CDH4: variants seen among roughly 807,000 people sequenced by gnomAD.
CDH4 encodes the protein cadherin-4.
CDH4 carries 33 observed loss-of-function variants against 86.0 expected under a neutral mutation model. That is an observed-to-expected ratio of 0.38 (90% CI 0.29 to 0.51). The LOEUF is 0.51. Among genes scored for constraint, CDH4 ranks in the 20% least tolerant of loss-of-function variants. The pLI, the probability that CDH4 is intolerant of heterozygous loss-of-function variation, is 0.86. For synonymous variants in CDH4, 555 were observed against 549.4 expected (o/e 1.01, Z -0.14); for missense variants, 1,114 against 1,307.4 (o/e 0.85, Z 2.28).
At chr20:61,593,012 G>A (rs923102951) in intron 2 of CDH4, among the ~76,000 whole-genome samples, 1 of 152,182 alleles carries the variant, frequency 6.6e-6, no homozygotes, top group African/African-American at 2.4e-5. Context: ...AGGGGGGCAG[G>A]AGGGTCAGGT....
Position 61,447,470 on chromosome 20 carries a change from G to A in CDH4, c.169+192533G>A, listed in dbSNP as rs76089535. On this transcript the variant is annotated intron_variant, in intron 2 of 15. Coordinates refer to ENST00000614565, the MANE Select transcript of CDH4 (RefSeq NM_001794.5). ...ATTACAGGCATGAGCCAGTGTGCCC[G>A]ACCTATTCATGGTGTTTTCGATATA... Among the ~76,000 whole-genome samples, 1,305 of 151,882 alleles carry A rather than the reference G, an allele frequency of 8.6e-3. 20 individuals are homozygous for A. Among genetic ancestry groups the A allele is most frequent in the African/African-American group, 0.031 (1,265 of 41,448 alleles).
chr20:61,924,286 C>T (rs749555606), intron 10 of CDH4, 48 bp from the exon 11 acceptor site: 5 of 1,562,170 alleles, frequency 3.2e-6, no homozygotes, highest in Non-Finnish European at 4.3e-6. Flanking sequence ...CCAGGGCAGC[C>T]CCGCCCACCC....
At position 61,590,879 on chromosome 20, in the gene CDH4, G is replaced by C. The variant is rs990948902; in HGVS notation, c.170-152684G>C. ...AGCCTTGTCTTCCCTAAATCTATGGGGGGGGGGGTCCCCGGGTCTCCAGGC... is the reference window on the plus strand; with the variant it reads ...AGCCTTGTCTTCCCTAAATCTATGGCGGGGGGGGTCCCCGGGTCTCCAGGC... On this transcript the variant is annotated intron_variant, in intron 2 of 15. Coordinates refer to ENST00000614565, the MANE Select transcript of CDH4 (RefSeq NM_001794.5). Among the ~76,000 whole-genome samples, 13 of 135,970 alleles carry C rather than the reference G, an allele frequency of 9.6e-5. No homozygotes were observed. In the East Asian group the frequency reaches 1.5e-3, roughly 16 times the overall value. 89.2% of individuals were successfully genotyped at this position (135,970 alleles called of 152,430 possible). A position where few individuals can be genotyped will look rare whatever the true frequency, so the allele number is the denominator to read the frequency against.
chr20:61,458,676 G>GTGA (rs1277319124), intron 2 of CDH4, among the ~76,000 whole-genome samples: 1 of 152,092 alleles, frequency 6.6e-6, no homozygotes. Flanking sequence ...GATAGTGATG[G>GTGA]TGATAGTCAT....
intron 2 of CDH4, among the ~76,000 whole-genome samples, chr20:61,542,254 T>G (rs1473555826): frequency 6.6e-6 from 1 of 152,220 alleles, no homozygotes; most frequent in Non-Finnish European, 1.5e-5. Flanking sequence ...TTATAAACAG[T>G]GTGCAGTGCT....
intron 5 of CDH4, among the ~76,000 whole-genome samples, chr20:61,850,675 C>T (rs112960515): frequency 0.022 from 3,426 of 152,376 alleles, 98 homozygotes; most frequent in South Asian, 0.064. Flanking sequence ...ATGCACTCTG[C>T]GCCTGACGCT....
chr20:61,929,281 G>A (rs948132649), intron 12 of CDH4, among the ~76,000 whole-genome samples: 2 of 152,056 alleles, frequency 1.3e-5, no homozygotes, highest in Admixed American at 6.5e-5. Context: ...GAGATCACAG[G>A]CTTGCACCAC....
intron 5 of CDH4, among the ~76,000 whole-genome samples, chr20:61,851,135 C>T (rs1447944184): frequency 6.6e-6 from 1 of 152,196 alleles, no homozygotes; most frequent in Non-Finnish European, 1.5e-5. Context: ...TTCCAGCAAC[C>T]CCACAGCACT....
At chr20:61,800,281 G>T (rs571682328) in intron 4 of CDH4, among the ~76,000 whole-genome samples, 1 of 151,270 alleles carries the variant, frequency 6.6e-6, no homozygotes, top group Non-Finnish European at 1.5e-5. Context: ...CGGCCGCCAG[G>T]GGGGCAGAGC....
chr20:61,913,448 G>A (rs2054872430), intron 9 of CDH4, among the ~76,000 whole-genome samples: 2 of 152,246 alleles, frequency 1.3e-5, no homozygotes, highest in South Asian at 4.1e-4. Flanking sequence ...CCAGTGTCTT[G>A]GGACTGCATG....
At chr20:61,905,044 A>G (rs886853792) in intron 8 of CDH4, among the ~76,000 whole-genome samples, 1 of 151,980 alleles carries the variant, frequency 6.6e-6, no homozygotes, top group Non-Finnish European at 1.5e-5. Context: ...GGAAGACAAA[A>G]TCCTCCTACC....
In CDH4 at chr20:61,796,349, C is replaced by G. The variant is rs373294066; in HGVS notation, c.576+23167C>G. Among the ~76,000 whole-genome samples the G allele has an allele frequency of 2.6e-3, 389 of 152,302 alleles. 1 individual carries two copies. The highest frequency in any genetic ancestry group is 5.0e-3 in the Admixed American group (77 of 15,312). On this transcript the variant is annotated intron_variant, in intron 4 of 15. Coordinates refer to ENST00000614565, the MANE Select transcript of CDH4 (RefSeq NM_001794.5). ...CGCTCTCTGGCCCCTCCACCCCACA[C>G]TCTATTTACAGCCCAGCACGGGCCA... is the stretch of plus-strand genomic sequence containing the variant.
chr20:61,352,787 C>T (rs976350673), intron 2 of CDH4, among the ~76,000 whole-genome samples: 2 of 152,210 alleles, frequency 1.3e-5, no homozygotes, highest in South Asian at 4.2e-4. Flanking sequence ...TTCTTCCTGG[C>T]CGTCTGCCGC....
intron 6 of CDH4, among the ~76,000 whole-genome samples, chr20:61,863,278 C>T (rs1983407867): frequency 6.6e-6 from 1 of 152,220 alleles, no homozygotes; most frequent in Non-Finnish European, 1.5e-5. Flanking sequence ...CTGTTCCTCA[C>T]CTGCAGCCGG....
rs549972307 is a variant in CDH4, at chr20:61,848,892, G to A, written c.733-3862G>A. ...ATGGTTTTCTCCCTGCTTTGAAGAT[G>A]AGAAATGCAGTCATCCCACATCGCC... On this transcript the variant is annotated intron_variant, in intron 5 of 15. Transcript: ENST00000614565. Among the ~76,000 whole-genome samples the A allele has an allele frequency of 2.0e-5, 3 of 152,272 alleles. No individual in the cohort carries two copies. The East Asian group carries it at 5.8e-4, about 29-fold the overall frequency.
chr20:61,686,729 TCGTG>T (rs2087583016), intron 2 of CDH4, among the ~76,000 whole-genome samples: 1 of 146,584 alleles, frequency 6.8e-6, no homozygotes, highest in Admixed American at 6.8e-5. Flanking sequence ...GTGTGTGCCT[TCGTG>T]CGTGTGTGTG....
rs76242331 is a variant in CDH4, at chr20:61,605,977, G to A, written c.170-137586G>A. On this transcript the variant is annotated intron_variant, in intron 2 of 15. Transcript: ENST00000614565. ...GCATGATTTGCCCCTGGGATGAGGA[G>A]GCCCTGGGTGGATGGACTCTGGAGC... Among the ~76,000 whole-genome samples the A allele has an allele frequency of 1.1e-3, 162 of 152,180 alleles. 4 individuals carry two copies. In the East Asian group the frequency reaches 0.029, roughly 27 times the overall value.
intron 2 of CDH4, among the ~76,000 whole-genome samples, chr20:61,383,605 G>C (rs758159428): frequency 1.2e-3 from 3 of 2,424 alleles, no homozygotes; most frequent in Non-Finnish European, 3.2e-3. Context: ...TGATATATAT[G>C]ATATATATGA....
At chr20:61,278,558 C>T (rs2084242021) in intron 2 of CDH4, among the ~76,000 whole-genome samples, 1 of 152,242 alleles carries the variant, frequency 6.6e-6, no homozygotes, top group Admixed American at 6.5e-5. Flanking sequence ...AGGCAGAGGC[C>T]CTCTTACGCC....
Sources: allele counts gnomAD v4.1 joint callset (sites outside exome capture counted in the v4.1 genomes callset), GRCh38; gene constraint gnomAD v4.1.1; transcripts MANE v1.5; gene names NCBI Gene and HGNC (gene_info 2026-07-23, HGNC 2026-07-21).